JMJD1C: variants seen among roughly 807,000 people sequenced by gnomAD.
JMJD1C encodes jumonji domain containing 1C.
In JMJD1C, 31 loss-of-function variants were observed where a neutral mutation model predicts 245.3. The ratio of observed to expected loss-of-function variants is 0.13; its 90% confidence interval spans 0.09 to 0.17. The LOEUF is 0.17. Among genes scored for constraint, JMJD1C ranks in the 10% least tolerant of loss-of-function variants. The probability of loss-of-function intolerance (pLI) is 1.00; values close to 1 mark genes in which losing one functional copy is unlikely to be tolerated. For synonymous variants in JMJD1C, 1,057 were observed against 1,017.4 expected (o/e 1.04, Z -0.74); for missense variants, 2,691 against 3,000.2 (o/e 0.90, Z 2.41).
At chr10:63,202,682 C>CCACA in intron 10 of JMJD1C, 8 of 985,388 alleles carry the variant, frequency 8.1e-6, no homozygotes, top group Non-Finnish European at 8.4e-6. Context: ...ATGTGTATAA[C>CCACA]CACACACCAC....
Position 63,427,682 on chromosome 10 carries a change from A to G in JMJD1C, c.168+37813T>C. On this transcript the variant is annotated intron_variant, in intron 1 of 25. Coordinates refer to ENST00000399262, the MANE Select transcript of JMJD1C (RefSeq NM_032776.3). ...AGTGGCTGGACCGAAATCCGCAGAG[A>G]AGCCTGGGTCTCCTCTAGCTTATTT... 3 of 1,296,846 alleles carry G rather than the reference A, an allele frequency of 2.3e-6. No homozygotes were observed. The Admixed American group carries it at 5.1e-5, about 22-fold the overall frequency. The allele number at this position is 1,296,846 out of a possible 1,614,324, so 80.3% of individuals were successfully genotyped here. A position where few individuals can be genotyped will look rare whatever the true frequency, so the allele number is the denominator to read the frequency against.
At chr10:63,193,742 C>A (rs922393946) in intron 14 of JMJD1C, 1 of 224,390 alleles carries the variant, frequency 4.5e-6, no homozygotes, top group African/African-American at 2.3e-5. Flanking sequence ...TCTGGGCTCA[C>A]TGCAAGCTCC....
At chr10:63,353,973 TG>T (rs1944587202) in intron 2 of JMJD1C, among the ~76,000 whole-genome samples, 1 of 152,166 alleles carries the variant, frequency 6.6e-6, no homozygotes, top group South Asian at 2.1e-4. Flanking sequence ...CCTGGGTAGC[TG>T]GAACTACAGG....
intron 3 of JMJD1C, among the ~76,000 whole-genome samples, chr10:63,237,284 C>T (rs1274282787): frequency 6.6e-6 from 1 of 152,104 alleles, no homozygotes; most frequent in Admixed American, 6.6e-5. Flanking sequence ...GTGATCTGCC[C>T]GCCTTGGCCT....
chr10:63,478,242 TAC>T (rs1284706360), intron 1 of JMJD1C, among the ~76,000 whole-genome samples: 1 of 152,202 alleles, frequency 6.6e-6, no homozygotes, highest in African/African-American at 2.4e-5. Context: ...GTTAAACATA[TAC>T]TTTTCATATG....
intron 1 of JMJD1C, among the ~76,000 whole-genome samples, chr10:63,407,237 A>T (rs1249024511): frequency 6.6e-6 from 1 of 152,206 alleles, no homozygotes; most frequent in East Asian, 1.9e-4. Flanking sequence ...TTTATTTCTT[A>T]GAAAAGGTTA....
intron 1 of JMJD1C, among the ~76,000 whole-genome samples, chr10:63,463,805 G>T (rs529884010): frequency 6.6e-6 from 1 of 152,148 alleles, no homozygotes; most frequent in Admixed American, 6.5e-5. Flanking sequence ...CAACAATCAG[G>T]ATAGGAAACA....
intron 2 of JMJD1C, among the ~76,000 whole-genome samples, chr10:63,341,853 T>C (rs1335627429): frequency 6.6e-6 from 1 of 152,098 alleles, no homozygotes; most frequent in African/African-American, 2.4e-5. Context: ...AACAGAACTG[T>C]AGGTGTGGAA....
At chr10:63,379,114 A>G (rs1179271203) in intron 2 of JMJD1C, among the ~76,000 whole-genome samples, 1 of 152,132 alleles carries the variant, frequency 6.6e-6, no homozygotes, top group Non-Finnish European at 1.5e-5. Context: ...TTTCTATTCT[A>G]TACAGAAAAG....
At chr10:63,227,897 G>C (rs1316071287) in intron 3 of JMJD1C, among the ~76,000 whole-genome samples, 1 of 152,182 alleles carries the variant, frequency 6.6e-6, no homozygotes, top group East Asian at 1.9e-4. Flanking sequence ...GTCCACAAGA[G>C]TGACATTAAT....
chr10:63,298,193 C>G (rs776837497), intron 2 of JMJD1C, among the ~76,000 whole-genome samples: 46 of 152,188 alleles, frequency 3.0e-4, no homozygotes, highest in Non-Finnish European at 5.7e-4. Flanking sequence ...CCTGGCTCGC[C>G]CTTGATAGGC....
In JMJD1C at chr10:63,190,881, T is replaced by C; in HGVS notation, c.6291+13A>G. 1 of 1,611,360 alleles carries C rather than the reference T, an allele frequency of 6.2e-7. No individual in the cohort carries two copies. The highest frequency in any genetic ancestry group is 8.5e-7 in the Non-Finnish European group (1 of 1,177,522). On this transcript the variant is annotated intron_variant, in intron 17 of 25. Transcript: ENST00000399262. ...AAGGCCCACATTAAAACCAAAAATC[T>C]GGCATCACTCACTGGGGCTCCCATT... is the stretch of plus-strand genomic sequence containing the variant.
chr10:63,416,219 T>A (rs1949794632), intron 1 of JMJD1C, among the ~76,000 whole-genome samples: 1 of 152,100 alleles, frequency 6.6e-6, no homozygotes, highest in African/African-American at 2.4e-5. Context: ...TTATACATGA[T>A]CATGGAAAAC....
intron 1 of JMJD1C, among the ~76,000 whole-genome samples, chr10:63,463,821 A>T (rs1218188953): frequency 6.6e-6 from 1 of 152,174 alleles, no homozygotes; most frequent in Admixed American, 6.5e-5. Flanking sequence ...AAACATTTCT[A>T]TCACCTGAAG....
chr10:63,270,085 A>T (rs1292079832), intron 2 of JMJD1C, among the ~76,000 whole-genome samples: 1 of 152,230 alleles, frequency 6.6e-6, no homozygotes, highest in Non-Finnish European at 1.5e-5. Flanking sequence ...CCTATGTTAA[A>T]ATTTTGATGT....
At chr10:63,275,414 T>G (rs1245124589) in intron 2 of JMJD1C, among the ~76,000 whole-genome samples, 3 of 152,240 alleles carry the variant, frequency 2.0e-5, no homozygotes, top group Non-Finnish European at 4.4e-5. Context: ...TAAGTTTATG[T>G]ATTTTTAATT....
At chr10:63,383,288 T>G in intron 1 of JMJD1C, among the ~76,000 whole-genome samples, 1 of 151,178 alleles carries the variant, frequency 6.6e-6, no homozygotes. Flanking sequence ...TCTATTAGAA[T>G]GAGGAAAGAG....
At chr10:63,370,054 A>ATC (rs2134422547) in intron 2 of JMJD1C, among the ~76,000 whole-genome samples, 2 of 152,232 alleles carry the variant, frequency 1.3e-5, no homozygotes, top group East Asian at 3.8e-4. Flanking sequence ...AAAGACTCAG[A>ATC]TGAGTTTCTT....
intron 2 of JMJD1C, among the ~76,000 whole-genome samples, chr10:63,298,202 G>A (rs945645388): frequency 6.6e-6 from 1 of 152,196 alleles, no homozygotes; most frequent in African/African-American, 2.4e-5. Context: ...CCCTTGATAG[G>A]CGTGAGATCC....
Sources: gnomAD v4.1 joint callset for allele counts (sites outside exome capture counted in the v4.1 genomes callset) on GRCh38, gnomAD v4.1.1 for gene constraint, MANE v1.5 for transcripts, NCBI Gene and HGNC (gene_info 2026-07-23, HGNC 2026-07-21) for gene names.